Variants in NVL observed in about 807,000 individuals in gnomAD.
The protein encoded by NVL is nuclear valosin-containing protein-like.
In NVL, 84 loss-of-function variants were observed where a neutral mutation model predicts 110.2. The observed-to-expected ratio is 0.76, with a 90% CI of 0.64 to 0.91. The LOEUF (loss-of-function observed/expected upper bound fraction) is 0.91. Among genes scored for constraint, NVL ranks in the 40% least tolerant of loss-of-function variants. NVL has a pLI of 0.00. For synonymous variants in NVL, 354 were observed against 361.1 expected (o/e 0.98, Z 0.22); for missense variants, 882 against 1,035.9 (o/e 0.85, Z 2.04).
At chr1:224,233,935 A>G (rs1558231268) in intron 20 of NVL, among the ~76,000 whole-genome samples, 1 of 152,140 alleles carries the variant, frequency 6.6e-6, no homozygotes, top group African/African-American at 2.4e-5. Context: ...CATGCCTGTA[A>G]TTCCAGCACT....
At position 224,326,374 on chromosome 1, in the gene NVL, A is replaced by G. The variant is rs200955302; in HGVS notation, c.131+17T>C. ...GAGACATAAAAATCCAAGGATCCGG[A>G]AACTATATTTATTTACCTGTACACT... On this transcript the variant is annotated intron_variant, in intron 2 of 22. Transcript: ENST00000281701. 3 of 1,571,070 alleles carry G rather than the reference A, an allele frequency of 1.9e-6. No individual in the cohort carries two copies. In the African/African-American group the frequency reaches 4.1e-5, roughly 21 times the overall value.
At chr1:224,314,594 G>T (rs929036901) in intron 4 of NVL, among the ~76,000 whole-genome samples, 1 of 152,112 alleles carries the variant, frequency 6.6e-6, no homozygotes, top group African/African-American at 2.4e-5. Flanking sequence ...GAAGACTCGG[G>T]GGGAAGTTGA....
In NVL at chr1:224,307,976, T is replaced by G; in HGVS notation, c.615+15A>C. The G allele has an allele frequency of 6.6e-7, 1 of 1,510,064 alleles. No individual in the cohort carries two copies. Among genetic ancestry groups the G allele is most frequent in the Non-Finnish European group, 8.8e-7 (1 of 1,131,664 alleles). 93.5% of individuals were successfully genotyped at this position (1,510,064 alleles called of 1,614,324 possible). ...ACTTCGATGATATGGGGCTAAAATTTCATTACAAAAATACCTGTATCTCAG... is the reference window on the plus strand; with the variant it reads ...ACTTCGATGATATGGGGCTAAAATTGCATTACAAAAATACCTGTATCTCAG... On this transcript the variant is annotated intron_variant, in intron 6 of 22. Coordinates refer to ENST00000281701, the MANE Select transcript of NVL (RefSeq NM_002533.4).
chr1:224,284,403 T>C (rs1322793024), intron 15 of NVL, among the ~76,000 whole-genome samples: 1 of 150,864 alleles, frequency 6.6e-6, no homozygotes. Flanking sequence ...TGAGACAGAG[T>C]CTTACTCTGT....
intron 17 of NVL, among the ~76,000 whole-genome samples, chr1:224,272,757 G>A (rs1169669452): frequency 1.1e-4 from 16 of 151,490 alleles, no homozygotes; most frequent in South Asian, 6.2e-4. Context: ...ACAACAGGCC[G>A]TGCGCGGTGG....
In NVL at chr1:224,305,025, A is replaced by T; in HGVS notation, c.748+9T>A. 1 of 1,612,218 alleles carries T rather than the reference A, an allele frequency of 6.2e-7. No individual in the cohort carries two copies. The highest frequency in any genetic ancestry group is 8.5e-7 in the Non-Finnish European group (1 of 1,179,442). The stretch of plus-strand genomic sequence containing the variant: ...ATGACCACTGCCACCAACAAGACTC[A>T]CACCTTACCTTTCTTTTGCAGGACA... On this transcript the variant is annotated intron_variant, in intron 7 of 22. Coordinates refer to ENST00000281701, the MANE Select transcript of NVL (RefSeq NM_002533.4).
At chr1:224,250,930 T>G (rs1274630223) in intron 18 of NVL, among the ~76,000 whole-genome samples, 2 of 152,030 alleles carry the variant, frequency 1.3e-5, no homozygotes, top group African/African-American at 4.8e-5. Flanking sequence ...GTGCTGGGAT[T>G]ACAGACGTGA....
chr1:224,251,085 C>T (rs1571830750), intron 18 of NVL, among the ~76,000 whole-genome samples: 2 of 151,940 alleles, frequency 1.3e-5, no homozygotes, highest in East Asian at 1.9e-4. Flanking sequence ...ACCAGCCTGG[C>T]TAATATGGTG....
intron 18 of NVL, among the ~76,000 whole-genome samples, chr1:224,252,292 GGT>G (rs1411254158): frequency 6.6e-6 from 1 of 151,770 alleles, no homozygotes; most frequent in Non-Finnish European, 1.5e-5. Context: ...CCAGACCCTT[GGT>G]ATCAGGAGCA....
chr1:224,304,000 T>C, intron 8 of NVL, 143 bp from the exon 9 acceptor site: 2 of 839,232 alleles, frequency 2.4e-6, no homozygotes, highest in African/African-American at 1.7e-5. Flanking sequence ...ATCCTGGCTC[T>C]GGTACCTACT....
intron 6 of NVL, among the ~76,000 whole-genome samples, chr1:224,306,739 G>T (rs985774213): frequency 6.6e-6 from 1 of 152,048 alleles, no homozygotes; most frequent in Admixed American, 6.6e-5. Context: ...AGACTGAGGT[G>T]GGGGGATGGC....
intron 6 of NVL, 116 bp from the exon 7 acceptor site, chr1:224,305,282 T>C: frequency 9.9e-7 from 1 of 1,013,096 alleles, no homozygotes; most frequent in Non-Finnish European, 1.4e-6. Context: ...CACTTTCACC[T>C]CTGTTAACTA....
At chr1:224,265,855 A>G (rs752769725) in intron 18 of NVL, among the ~76,000 whole-genome samples, 7 of 152,050 alleles carry the variant, frequency 4.6e-5, no homozygotes, top group Middle Eastern at 3.4e-3. Flanking sequence ...CTGGTCTTAA[A>G]CTCCCAAGCT....
At chr1:224,252,766 A>G (rs6698506) in intron 18 of NVL, among the ~76,000 whole-genome samples, 27,351 of 152,210 alleles carry the variant, frequency 0.18, 2,868 homozygotes, top group East Asian at 0.31. Context: ...CTGACTCTAC[A>G]GAGCAGAGGT....
intron 5 of NVL, 136 bp downstream of exon 5, chr1:224,311,664 C>T: frequency 1.5e-6 from 1 of 682,216 alleles, no homozygotes; most frequent in Non-Finnish European, 2.6e-6. Flanking sequence ...AAGTGATCTG[C>T]ATGCCTCAGC....
At chr1:224,304,003 T>C (rs1451374262) in intron 8 of NVL, 146 bp from the exon 9 acceptor site, 3 of 836,616 alleles carry the variant, frequency 3.6e-6, no homozygotes, top group Non-Finnish European at 5.1e-6. Flanking sequence ...CTGGCTCTGG[T>C]ACCTACTGTG....
chr1:224,305,184 T>G lies in NVL; in HGVS notation c.616-18A>C. The G allele has an allele frequency of 6.3e-7, 1 of 1,592,084 alleles. No homozygotes were observed. The highest frequency in any genetic ancestry group is 8.5e-7 in the Non-Finnish European group (1 of 1,174,510). ...TTTGAATCCTGGAAAGAAAATAAAT[T>G]TAAATATGCCATGCTTAAAATTCTA... On this transcript the variant is annotated intron_variant, in intron 6 of 22. Transcript: ENST00000281701.
chr1:224,292,810 G>A (rs1243988687), intron 12 of NVL, among the ~76,000 whole-genome samples: 3 of 151,834 alleles, frequency 2.0e-5, no homozygotes, highest in Non-Finnish European at 4.4e-5. Context: ...GAGTACAGTG[G>A]CATGACATCG....
intron 20 of NVL, among the ~76,000 whole-genome samples, chr1:224,235,260 T>C (rs55664824): frequency 6.6e-6 from 1 of 152,154 alleles, no homozygotes; most frequent in Non-Finnish European, 1.5e-5. Flanking sequence ...CTCCACCCGC[T>C]GGGTTCAAGC....
Sources: gnomAD v4.1 joint callset for allele counts (sites outside exome capture counted in the v4.1 genomes callset) on GRCh38, gnomAD v4.1.1 for gene constraint, MANE v1.5 for transcripts, NCBI Gene and HGNC (gene_info 2026-07-23, HGNC 2026-07-21) for gene names.